Variants in LRMDA observed in about 807,000 individuals in gnomAD.
LRMDA encodes the protein leucine-rich melanocyte differentiation-associated protein.
In LRMDA, 18 loss-of-function variants were observed where a neutral mutation model predicts 29.8. The ratio of observed to expected loss-of-function variants is 0.60; its 90% CI spans 0.42 to 0.90. The LOEUF (loss-of-function observed/expected upper bound fraction) is 0.90. Ranked by LOEUF, LRMDA falls within the 40% of genes least tolerant of loss-of-function variation. The pLI, the probability that LRMDA is intolerant of heterozygous loss-of-function variation, is 0.00. For synonymous variants in LRMDA, 125 were observed against 109.4 expected, an observed-to-expected ratio of 1.14 and a Z score of -0.89; for missense variants, 273 against 273.9, an observed-to-expected ratio of 1.00 and a Z score of 0.02.
At chr10:76,310,606 C>G (rs1840618052) in intron 5 of LRMDA, among the ~76,000 whole-genome samples, 1 of 152,156 alleles carries the variant, frequency 6.6e-6, no homozygotes, top group Non-Finnish European at 1.5e-5. Flanking sequence ...GTGATGCAGG[C>G]TTTCCCCTCA....
intron 2 of LRMDA, among the ~76,000 whole-genome samples, chr10:75,919,340 C>G (rs1038056623): frequency 6.6e-6 from 1 of 152,166 alleles, no homozygotes; most frequent in Non-Finnish European, 1.5e-5. Context: ...CTCAGCTGGT[C>G]TGCAAATTTT....
At chr10:76,126,017 T>C (rs1849875657) in intron 5 of LRMDA, among the ~76,000 whole-genome samples, 1 of 152,230 alleles carries the variant, frequency 6.6e-6, no homozygotes. Context: ...TGGATAGCTA[T>C]GGAATGCAAT....
intron 5 of LRMDA, among the ~76,000 whole-genome samples, chr10:76,183,293 CA>C (rs1426327232): frequency 1.3e-5 from 2 of 152,066 alleles, no homozygotes; most frequent in Non-Finnish European, 2.9e-5. Flanking sequence ...TTAATTTTTC[CA>C]TGACCCATTT....
chr10:75,552,977 G>T (rs548646564), intron 2 of LRMDA, among the ~76,000 whole-genome samples: 1 of 151,642 alleles, frequency 6.6e-6, no homozygotes, highest in Admixed American at 6.6e-5. Flanking sequence ...TTTTTCTCTA[G>T]ATTAAAAACT....
intron 5 of LRMDA, among the ~76,000 whole-genome samples, chr10:76,059,300 C>T (rs553401699): frequency 6.6e-6 from 1 of 152,320 alleles, no homozygotes; most frequent in Non-Finnish European, 1.5e-5. Context: ...ATGTGCCCCC[C>T]ACATGTATCT....
intron 2 of LRMDA, among the ~76,000 whole-genome samples, chr10:75,753,650 G>A (rs1842992943): frequency 6.6e-6 from 1 of 152,194 alleles, no homozygotes; most frequent in South Asian, 2.1e-4. Context: ...AGAGGGTTGA[G>A]CCTAGAAAGG....
intron 2 of LRMDA, among the ~76,000 whole-genome samples, chr10:75,720,623 G>C (rs978391930): frequency 1.3e-5 from 2 of 152,194 alleles, no homozygotes; most frequent in African/African-American, 4.8e-5. Context: ...TCAGCACTTA[G>C]ACCACTCTTC....
At chr10:75,626,740 T>A (rs1237014838) in intron 2 of LRMDA, among the ~76,000 whole-genome samples, 1 of 152,060 alleles carries the variant, frequency 6.6e-6, no homozygotes, top group African/African-American at 2.4e-5. Context: ...AACATACAGT[T>A]GTTTATGTGA....
intron 2 of LRMDA, among the ~76,000 whole-genome samples, chr10:75,888,159 G>A (rs1042106233): frequency 2.0e-5 from 3 of 152,110 alleles, no homozygotes; most frequent in African/African-American, 7.2e-5. Context: ...TGAAGAATAT[G>A]ACCAAAGGCC....
chr10:76,486,953 T>C (rs1842788141), intron 6 of LRMDA, among the ~76,000 whole-genome samples: 1 of 151,934 alleles, frequency 6.6e-6, no homozygotes, highest in Non-Finnish European at 1.5e-5. Context: ...TACTTCTACT[T>C]GGACAACTAA....
intron 2 of LRMDA, among the ~76,000 whole-genome samples, chr10:75,478,716 A>G (rs1844823634): frequency 6.6e-6 from 1 of 152,138 alleles, no homozygotes; most frequent in Admixed American, 6.5e-5. Flanking sequence ...TTTTTTCAAT[A>G]ATACATAAGG....
intron 2 of LRMDA, among the ~76,000 whole-genome samples, chr10:75,981,519 G>T (rs973638032): frequency 3.3e-5 from 5 of 152,142 alleles, no homozygotes; most frequent in African/African-American, 9.7e-5. Context: ...TGGTTTCTTT[G>T]GCTTTGATTG....
chr10:76,050,330 C>T (rs11001599), intron 4 of LRMDA, among the ~76,000 whole-genome samples: 50,100 of 152,134 alleles, frequency 0.33, 10,085 homozygotes, highest in Non-Finnish European at 0.45. Flanking sequence ...CTCACTTACC[C>T]CCTGTGCACC....
rs188085075 is a variant in LRMDA, at chr10:76,249,726, G to A, written c.517-74675G>A. Among the ~76,000 whole-genome samples, 24 of 152,202 alleles carry A rather than the reference G, an allele frequency of 1.6e-4. No individual in the cohort carries two copies. In the East Asian group the frequency reaches 3.9e-3, roughly 24 times the overall value. On this transcript the variant is annotated intron_variant, in intron 5 of 6. Transcript: ENST00000611255. ...ACAATACTGCATTTCCAGGTAGATC[G>A]ACTAAAATGCTTGGAGAATGGTTCT... is the stretch of plus-strand genomic sequence containing the variant.
chr10:75,932,180 C>G (rs895479911), intron 2 of LRMDA, among the ~76,000 whole-genome samples: 6 of 152,142 alleles, frequency 3.9e-5, no homozygotes, highest in African/African-American at 1.4e-4. Context: ...TCTTAAGAAG[C>G]TGGAAGACTA....
chr10:75,920,617 C>A (rs1314740502), intron 2 of LRMDA, among the ~76,000 whole-genome samples: 1 of 152,142 alleles, frequency 6.6e-6, no homozygotes, highest in African/African-American at 2.4e-5. Context: ...AGTCACATAG[C>A]TGATTGTTAT....
chr10:75,631,695 C>T (rs1564526740), intron 2 of LRMDA, among the ~76,000 whole-genome samples: 3 of 152,088 alleles, frequency 2.0e-5, no homozygotes, highest in Admixed American at 1.3e-4. Context: ...TGGCCATCAG[C>T]GCCACAGTGA....
intron 6 of LRMDA, among the ~76,000 whole-genome samples, chr10:76,555,120 C>T (rs1843540041): frequency 6.6e-6 from 1 of 152,072 alleles, no homozygotes; most frequent in African/African-American, 2.4e-5. Context: ...AGAACTGAGG[C>T]ACTCCCACCC....
chr10:76,244,031 G>A (rs1347861984), intron 5 of LRMDA, among the ~76,000 whole-genome samples: 1 of 152,186 alleles, frequency 6.6e-6, no homozygotes, highest in Non-Finnish European at 1.5e-5. Context: ...CTGGACTTAT[G>A]TAGAGCTATT....
Sources: gnomAD v4.1 joint callset for allele counts (sites outside exome capture counted in the v4.1 genomes callset) on GRCh38, gnomAD v4.1.1 for gene constraint, MANE v1.5 for transcripts, NCBI Gene and HGNC (gene_info 2026-07-23, HGNC 2026-07-21) for gene names.